PPP1R42: variants seen among roughly 807,000 people sequenced by gnomAD.
The protein encoded by PPP1R42 is leucine rich repeat containing 67.
A neutral mutation model predicts 31.0 loss-of-function variants in PPP1R42; 34 were observed. That is an observed-to-expected ratio of 1.10 (90% CI 0.83 to 1.46). The LOEUF is 1.46. Among genes scored for constraint, PPP1R42 ranks in the 40% most tolerant of loss-of-function variants. PPP1R42 has a pLI of 0.00. For missense variants in PPP1R42, 268 were observed against 303.0 expected (o/e 0.88, Z 0.86); for synonymous variants, 103 against 109.8 (o/e 0.94, Z 0.39).
At chr8:67,004,265 C>T (rs111717184) in intron 5 of PPP1R42, among the ~76,000 whole-genome samples, 3,020 of 152,302 alleles carry the variant, frequency 0.02, 71 homozygotes, top group South Asian at 0.046. Flanking sequence ...AGAGAGCAGC[C>T]CTTGCCAGAA....
intron 5 of PPP1R42, among the ~76,000 whole-genome samples, chr8:66,990,474 C>A (rs924390436): frequency 1.3e-5 from 2 of 152,168 alleles, no homozygotes; most frequent in African/African-American, 4.8e-5. Flanking sequence ...TAATAAAAAG[C>A]TTTCACTTTC....
At chr8:66,983,466 A>G (rs1193399753) in intron 6 of PPP1R42, among the ~76,000 whole-genome samples, 2 of 152,128 alleles carry the variant, frequency 1.3e-5, no homozygotes, top group South Asian at 2.1e-4. Context: ...TTTTCTTCAA[A>G]ATTTTTTTCT....
intron 1 of PPP1R42, among the ~76,000 whole-genome samples, chr8:67,025,495 G>C (rs1001438405): frequency 2.7e-5 from 4 of 150,936 alleles, no homozygotes; most frequent in Non-Finnish European, 5.9e-5. Context: ...CTCATGAATG[G>C]CCATGCTATT....
At position 67,026,970 on chromosome 8, in the gene PPP1R42, G is replaced by C. The variant is rs561136494; in HGVS notation, c.-85+1521C>G. ...GGTTGGAGTTCAGTGGTGCGATTTC[G>C]GCACACTGCAACCTCTGCCTTCTGG... On this transcript the variant is annotated intron_variant, in intron 1 of 7. Transcript: ENST00000685739. 12 of 148,732 alleles carry C rather than the reference G, an allele frequency of 8.1e-5. No homozygotes were observed. In the East Asian group the frequency reaches 2.4e-3, roughly 30 times the overall value. The allele number at this position is 148,732 out of a possible 1,614,324, so 9.2% of individuals were successfully genotyped here.
chr8:66,988,396 G>A lies in PPP1R42; in HGVS notation c.670+4C>T. On this transcript the variant is annotated splice_donor_region_variant and intron_variant, in intron 6 of 7. Transcript: ENST00000685739. ...TTAAAAATTATATTAATATAAATAT[G>A]TACCCAGTGATTTGGACACCAATAT... The A allele has an allele frequency of 1.3e-6, 2 of 1,490,924 alleles. No homozygotes were observed. Among genetic ancestry groups the A allele is most frequent in the Non-Finnish European group, 1.8e-6 (2 of 1,119,888 alleles). 92.4% of individuals were successfully genotyped at this position (1,490,924 alleles called of 1,614,324 possible).
chr8:66,984,482 A>G lies in PPP1R42; in HGVS notation c.671-2302T>C, dbSNP rs1321890041. 5 of 1,260,568 alleles carry G rather than the reference A, an allele frequency of 4.0e-6. No homozygotes were observed. The African/African-American group carries it at 4.4e-5, about 11-fold the overall frequency. The allele number at this position is 1,260,568 out of a possible 1,614,324, so 78.1% of individuals were successfully genotyped here. ...TGCAGTAACACCACTCCTATCAGGTACAGTTGCCCAGCATTGGCCTCAATC... is the reference window on the plus strand; with the variant it reads ...TGCAGTAACACCACTCCTATCAGGTGCAGTTGCCCAGCATTGGCCTCAATC... On this transcript the variant is annotated intron_variant, in intron 6 of 7. Transcript: ENST00000685739.
chr8:66,983,863 T>C (rs571580068), intron 6 of PPP1R42, among the ~76,000 whole-genome samples: 4 of 152,116 alleles, frequency 2.6e-5, no homozygotes, highest in Non-Finnish European at 5.9e-5. Flanking sequence ...CCATAAGAAA[T>C]TGTCAAACAT....
intron 5 of PPP1R42, among the ~76,000 whole-genome samples, chr8:67,008,047 C>T (rs1235167882): frequency 1.3e-5 from 2 of 151,768 alleles, no homozygotes; most frequent in Admixed American, 6.6e-5. Context: ...CCACCATGCA[C>T]GGCTAATTTT....
chr8:67,018,360 G>A (rs1027774395), intron 1 of PPP1R42, among the ~76,000 whole-genome samples: 39 of 151,236 alleles, frequency 2.6e-4, no homozygotes, highest in Admixed American at 2.0e-4. Context: ...TCAGGCAATT[G>A]GCCCGCCTCG....
Position 67,017,740 on chromosome 8 carries a change from C to A in PPP1R42, c.8G>T (p.Arg3Leu). 6.3e-7 allele frequency: 1 copy of A among 1,582,804 alleles called. No homozygotes were observed. The highest frequency in any genetic ancestry group is 1.2e-5 in the South Asian group (1 of 82,776). The part of the protein sequence containing the change: MV[R>L]LTLDLIARNS... ...TCTGGCAATTAGATCCAAGGTCAGT[C>A]GAACCATAATTTCTTTATAAATCAA... The change falls in exon 2 of 8, where the codon CGA (arginine) becomes CTA (leucine). Residue 3 changes from arginine (R) to leucine (L), a missense_variant. Physicochemically the swap from Arg to Leu is moderately radical, Grantham distance 102 (BLOSUM62 -2). Coordinates refer to ENST00000685739, the MANE Select transcript of PPP1R42 (RefSeq NM_001364910.1).
intron 1 of PPP1R42, among the ~76,000 whole-genome samples, chr8:67,018,120 CT>C (rs113945042): frequency 0.058 from 8,332 of 143,950 alleles, 265 homozygotes; most frequent in African/African-American, 0.099. Context: ...TTTTTCTTTT[CT>C]TTTTTTTTTT....
chr8:66,986,045 G>T, intron 6 of PPP1R42: 1 of 746,604 alleles, frequency 1.3e-6, no homozygotes, highest in South Asian at 1.3e-5. Flanking sequence ...CCACAAATCG[G>T]GGAGTAGAAT....
chr8:66,993,712 C>T (rs2130938382), intron 5 of PPP1R42, among the ~76,000 whole-genome samples: 1 of 152,294 alleles, frequency 6.6e-6, no homozygotes, highest in African/African-American at 2.4e-5. Context: ...CTTAATGTTT[C>T]TCTTCCCCTG....
chr8:66,985,981 T>C (rs1814997544), intron 6 of PPP1R42: 1 of 748,774 alleles, frequency 1.3e-6, no homozygotes, highest in East Asian at 2.5e-5. Context: ...CTTCCGTCAC[T>C]GCTAGACTTG....
chr8:67,017,867 A>C, intron 1 of PPP1R42, 36 bp from the exon 2 acceptor site: 3 of 1,095,328 alleles, frequency 2.7e-6, no homozygotes, highest in Non-Finnish European at 3.6e-6. Flanking sequence ...TTATGATATC[A>C]TAGCAATTTA....
chr8:66,971,592 A>C (rs1361908157), intron 7 of PPP1R42, among the ~76,000 whole-genome samples: 1 of 152,112 alleles, frequency 6.6e-6, no homozygotes, highest in African/African-American at 2.4e-5. Flanking sequence ...ATTCACCTCT[A>C]ATCCACAGTG....
intron 7 of PPP1R42, chr8:66,970,972 A>G (rs1814523365): frequency 6.6e-7 from 1 of 1,514,902 alleles, no homozygotes; most frequent in Non-Finnish European, 8.8e-7. Flanking sequence ...AATATTTGAA[A>G]GAACCTACCC....
chr8:66,989,021 C>A (rs1322034762), intron 5 of PPP1R42, among the ~76,000 whole-genome samples: 4 of 151,848 alleles, frequency 2.6e-5, no homozygotes, highest in Admixed American at 2.6e-4. Flanking sequence ...GGGAAAAAAT[C>A]ATTTGTATGC....
chr8:66,983,072 G>A (rs933024346), intron 6 of PPP1R42, among the ~76,000 whole-genome samples: 4 of 151,670 alleles, frequency 2.6e-5, no homozygotes, highest in African/African-American at 7.3e-5. Flanking sequence ...TAGAAATTGC[G>A]CTTCATAAAT....
Sources: allele counts gnomAD v4.1 joint callset (sites outside exome capture counted in the v4.1 genomes callset), GRCh38; gene constraint gnomAD v4.1.1; transcripts MANE v1.5; gene names NCBI Gene and HGNC (gene_info 2026-07-23, HGNC 2026-07-21).